Variants in TM9SF4 observed in about 807,000 individuals in gnomAD.
The protein encoded by TM9SF4 is transmembrane 9 superfamily member 4.
A neutral mutation model predicts 90.4 loss-of-function variants in TM9SF4; 26 were observed. The observed-to-expected ratio is 0.29, with a 90% CI of 0.21 to 0.40. The LOEUF is 0.40. Ranked by LOEUF, TM9SF4 falls within the 10% of genes least tolerant of loss-of-function variation. TM9SF4 has a pLI of 1.00. For missense variants in TM9SF4, 549 were observed against 834.8 expected, an observed-to-expected ratio of 0.66 and a Z score of 4.22; for synonymous variants, 293 against 315.4, an observed-to-expected ratio of 0.93 and a Z score of 0.75.
At chr20:32,150,731 G>T (rs1292150455) in intron 11 of TM9SF4, 28 bp downstream of exon 11, 16 of 1,614,018 alleles carry the variant, frequency 9.9e-6, no homozygotes, top group Non-Finnish European at 1.4e-5. Flanking sequence ...GGCTCCCGGG[G>T]GCGGCACAGG....
chr20:32,147,384 G>T (rs549515890), intron 9 of TM9SF4, among the ~76,000 whole-genome samples: 1 of 152,102 alleles, frequency 6.6e-6, no homozygotes, highest in Non-Finnish European at 1.5e-5. Context: ...CATAAAAACC[G>T]TGGAAGAAAT....
At chr20:32,111,548 T>C (rs769989292) in intron 1 of TM9SF4, among the ~76,000 whole-genome samples, 1 of 152,168 alleles carries the variant, frequency 6.6e-6, no homozygotes, top group Non-Finnish European at 1.5e-5. Context: ...GCCTTTCTGG[T>C]TTGAGGAGAC....
In TM9SF4 at chr20:32,141,752, C is replaced by T; in HGVS notation, c.399-14C>T. On this transcript the variant is annotated splice_polypyrimidine_tract_variant and intron_variant, in intron 4 of 17. Coordinates refer to ENST00000398022, the MANE Select transcript of TM9SF4 (RefSeq NM_014742.4). ...GGCGGTCGAGAGGGACTGAGTGGGG[C>T]CTTCACTTTCCAGCATTGCTGACAA... 6.2e-7 allele frequency: 1 copy of T among 1,613,934 alleles called. No homozygotes were observed. Among genetic ancestry groups the T allele is most frequent in the South Asian group, 1.1e-5 (1 of 91,068 alleles).
At chr20:32,125,688 T>C (rs928711997) in intron 1 of TM9SF4, among the ~76,000 whole-genome samples, 11 of 146,836 alleles carry the variant, frequency 7.5e-5, no homozygotes, top group African/African-American at 1.5e-4. Context: ...TTTCTTTTTT[T>C]TTTTTTTTTT....
chr20:32,141,453 C>T (rs2046676886), intron 3 of TM9SF4, 44 bp from the exon 4 acceptor site: 1 of 1,606,502 alleles, frequency 6.2e-7, no homozygotes, highest in Non-Finnish European at 8.5e-7. Flanking sequence ...CCTCAGCAAC[C>T]TCAGGGCTGA....
intron 1 of TM9SF4, among the ~76,000 whole-genome samples, chr20:32,111,801 G>T (rs755388324): frequency 3.3e-5 from 5 of 152,198 alleles, no homozygotes; most frequent in Admixed American, 6.5e-5. Flanking sequence ...CGATGTGGAA[G>T]GGAGCTTGGT....
chr20:32,110,410 TGTTG>T (rs1328949591), intron 1 of TM9SF4, among the ~76,000 whole-genome samples: 3 of 152,176 alleles, frequency 2.0e-5, no homozygotes, highest in African/African-American at 4.8e-5. Context: ...CCTTTTACCC[TGTTG>T]GTTCTCAAAC....
intron 2 of TM9SF4, among the ~76,000 whole-genome samples, chr20:32,135,564 C>G (rs1349533328): frequency 1.3e-5 from 2 of 152,110 alleles, no homozygotes; most frequent in African/African-American, 4.8e-5. Flanking sequence ...TTTAGATACC[C>G]TGGTGAGGTA....
At position 32,145,330 on chromosome 20, in the gene TM9SF4, G is replaced by T; in HGVS notation, c.790G>T (p.Ala264Ser). The change falls in exon 8 of 18, where the codon GCC (alanine) becomes TCC (serine). Residue 264 changes from alanine to serine, a missense_variant. This residue lies in a region of TM9SF4 where 495 missense variants were observed against 711.7 expected (regional missense o/e 0.70). Coordinates refer to ENST00000398022, the MANE Select transcript of TM9SF4 (RefSeq NM_014742.4). ...VHWEESDIKWASRWDTYLTMS... is the reference protein window; with the variant it reads ...VHWEESDIKWSSRWDTYLTMS... Reference sequence around the variant, plus strand: ...CTGCCAGGAAAGTGATATCAAATGGGCCTCTCGCTGGGACACTTACCTGAC... The same window carrying T: ...CTGCCAGGAAAGTGATATCAAATGGTCCTCTCGCTGGGACACTTACCTGAC... 6.2e-7 allele frequency: 1 copy of T among 1,614,168 alleles called. No homozygotes were observed. Among genetic ancestry groups the T allele is most frequent in the East Asian group, 2.2e-5 (1 of 44,872 alleles).
chr20:32,115,807 CTTTTTTT>C (rs386393622), intron 1 of TM9SF4, among the ~76,000 whole-genome samples: 3 of 95,166 alleles, frequency 3.2e-5, no homozygotes, highest in African/African-American at 1.4e-4. Context: ...CCACTTTAAG[CTTTTTTT>C]TTTTTTTTTT....
intron 3 of TM9SF4, among the ~76,000 whole-genome samples, chr20:32,140,515 A>G (rs2046656956): frequency 6.6e-6 from 1 of 152,340 alleles, no homozygotes; most frequent in African/African-American, 2.4e-5. Flanking sequence ...CACATTGTGC[A>G]AAGTAAATCC....
chr20:32,158,577 G>T, intron 15 of TM9SF4, 63 bp downstream of exon 15: 1 of 1,556,982 alleles, frequency 6.4e-7, no homozygotes, highest in East Asian at 2.2e-5. Context: ...CACTCCACTC[G>T]GGTGCTCTGC....
intron 10 of TM9SF4, 41 bp from the exon 11 acceptor site, chr20:32,150,581 C>T: frequency 6.2e-7 from 1 of 1,612,568 alleles, no homozygotes; most frequent in Non-Finnish European, 8.5e-7. Context: ...TGATCAGCCA[C>T]CCTGCCTTTC....
intron 1 of TM9SF4, among the ~76,000 whole-genome samples, chr20:32,129,878 C>G (rs971258316): frequency 1.3e-5 from 2 of 152,140 alleles, no homozygotes; most frequent in Non-Finnish European, 2.9e-5. Context: ...TGAGCTACTG[C>G]GCCTGGCCAG....
intron 6 of TM9SF4, among the ~76,000 whole-genome samples, chr20:32,143,728 C>CT (rs112570972): frequency 6.5e-4 from 95 of 145,092 alleles, no homozygotes; most frequent in Middle Eastern, 3.6e-3. Context: ...GGTATTTGGA[C>CT]TTTTTTTTTT....
chr20:32,161,481 G>C, intron 17 of TM9SF4, 116 bp downstream of exon 17: 2 of 882,360 alleles, frequency 2.3e-6, no homozygotes, highest in African/African-American at 1.7e-5. Context: ...AGAATGGGGA[G>C]GACCAAAGCC....
chr20:32,141,087 T>G (rs373273829), intron 3 of TM9SF4, among the ~76,000 whole-genome samples: 16,572 of 151,400 alleles, frequency 0.11, 1,145 homozygotes, highest in East Asian at 0.17. Flanking sequence ...CGTGGTGGCA[T>G]GCACCTGTAG....
intron 1 of TM9SF4, among the ~76,000 whole-genome samples, chr20:32,117,023 A>G (rs1229998760): frequency 1.3e-5 from 2 of 151,550 alleles, no homozygotes; most frequent in East Asian, 3.9e-4. Context: ...CAGGAGCTCA[A>G]GACCAGCCTG....
intron 1 of TM9SF4, among the ~76,000 whole-genome samples, chr20:32,125,361 A>G (rs1455234133): frequency 1.3e-5 from 2 of 152,190 alleles, no homozygotes; most frequent in East Asian, 3.8e-4. Context: ...GAGTTATACA[A>G]ATTTACCCAA....
Sources: allele counts gnomAD v4.1 joint callset (sites outside exome capture counted in the v4.1 genomes callset), GRCh38; gene constraint gnomAD v4.1.1; regional missense constraint gnomAD v4.1.1; transcripts MANE v1.5; gene names NCBI Gene and HGNC (gene_info 2026-07-23, HGNC 2026-07-21).